PLPP1: variants seen among roughly 807,000 people sequenced by gnomAD.
PLPP1 encodes phospholipid phosphatase 1.
Under a neutral mutation model 31.2 loss-of-function variants are expected in PLPP1, and 24 were observed. The ratio of observed to expected loss-of-function variants is 0.77; its 90% CI spans 0.56 to 1.08. The LOEUF (loss-of-function observed/expected upper bound fraction) is 1.08, where lower values mean the gene tolerates loss of function less well. Among genes scored for constraint, PLPP1 ranks in the 50% least tolerant of loss-of-function variants. The pLI is 0.00. For synonymous variants in PLPP1, 146 were observed against 126.3 expected (o/e 1.16, Z -1.05); for missense variants, 319 against 342.7 (o/e 0.93, Z 0.55).
At chr5:55,483,835 T>C (rs183661026) in intron 1 of PLPP1, among the ~76,000 whole-genome samples, 39 of 152,238 alleles carry the variant, frequency 2.6e-4, no homozygotes, top group Admixed American at 2.1e-3. Flanking sequence ...ACTTGGTCTA[T>C]TAAATGGAGA....
chr5:55,500,280 C>T (rs571880704), intron 1 of PLPP1, among the ~76,000 whole-genome samples: 7 of 151,960 alleles, frequency 4.6e-5, no homozygotes, highest in Non-Finnish European at 8.8e-5. Flanking sequence ...GGGGTTTCAC[C>T]GTGTTAGCCA....
chr5:55,482,179 T>G, intron 1 of PLPP1, among the ~76,000 whole-genome samples: 1 of 148,878 alleles, frequency 6.7e-6, no homozygotes, highest in Non-Finnish European at 1.5e-5. Flanking sequence ...CATATATATA[T>G]AGTATATAGT....
intron 1 of PLPP1, among the ~76,000 whole-genome samples, chr5:55,515,899 C>T (rs1463685627): frequency 1.3e-5 from 2 of 152,148 alleles, no homozygotes; most frequent in Admixed American, 1.3e-4. Flanking sequence ...TCTGACCATT[C>T]CTCTGAGCTC....
At chr5:55,475,092 C>T (rs1752506573) in intron 2 of PLPP1, among the ~76,000 whole-genome samples, 1 of 152,106 alleles carries the variant, frequency 6.6e-6, no homozygotes, top group African/African-American at 2.4e-5. Flanking sequence ...AGGCATGTCA[C>T]CATGCCTGGC....
intron 3 of PLPP1, among the ~76,000 whole-genome samples, chr5:55,459,162 TA>T (rs1752096780): frequency 6.8e-6 from 1 of 147,778 alleles, no homozygotes; most frequent in South Asian, 2.1e-4. Context: ...TCAGGCAAAA[TA>T]GACTTTAAAA....
intron 1 of PLPP1, among the ~76,000 whole-genome samples, chr5:55,477,396 C>CTTTTTTTTTTTTTT (rs3070044): frequency 7.5e-6 from 1 of 133,312 alleles, no homozygotes; most frequent in Non-Finnish European, 1.5e-5. Context: ...TTTTTCTTTT[C>CTTTTTTTTTTTTTT]TTTTTTTTTT....
chr5:55,531,333 A>G (rs995711815), intron 1 of PLPP1, among the ~76,000 whole-genome samples: 3 of 152,232 alleles, frequency 2.0e-5, no homozygotes, highest in Non-Finnish European at 4.4e-5. Flanking sequence ...GATAAAGATG[A>G]CATACGGACA....
At chr5:55,465,748 G>C (rs1401481588) in intron 3 of PLPP1, among the ~76,000 whole-genome samples, 2 of 151,960 alleles carry the variant, frequency 1.3e-5, no homozygotes, top group Non-Finnish European at 2.9e-5. Context: ...TTTTCAATAG[G>C]CTTCCTCTCC....
intron 1 of PLPP1, among the ~76,000 whole-genome samples, chr5:55,511,674 T>G (rs1753415229): frequency 1.6e-5 from 2 of 123,170 alleles, no homozygotes; most frequent in Admixed American, 8.5e-5. Context: ...TTTTTTTTTT[T>G]TTTTTTTGAG....
chr5:55,465,769 C>A (rs2111781523), intron 3 of PLPP1, among the ~76,000 whole-genome samples: 1 of 152,284 alleles, frequency 6.6e-6, no homozygotes, highest in African/African-American at 2.4e-5. Flanking sequence ...TCCACCCAAG[C>A]CATTTGTTCA....
At chr5:55,459,478 AAACAC>A (rs1415553776) in intron 3 of PLPP1, among the ~76,000 whole-genome samples, 1 of 152,234 alleles carries the variant, frequency 6.6e-6, no homozygotes, top group Non-Finnish European at 1.5e-5. Flanking sequence ...TTCACCCAGA[AAACAC>A]ATGCTCTTCA....
chr5:55,442,092 G>A (rs1253664140), intron 3 of PLPP1, among the ~76,000 whole-genome samples, 184 bp from the exon 4 acceptor site: 4 of 152,136 alleles, frequency 2.6e-5, no homozygotes, highest in Non-Finnish European at 4.4e-5. Context: ...AAGGATCTGA[G>A]GTCAGATCTC....
At chr5:55,478,275 C>T (rs970278639) in intron 1 of PLPP1, among the ~76,000 whole-genome samples, 6 of 152,022 alleles carry the variant, frequency 3.9e-5, no homozygotes, top group Non-Finnish European at 7.4e-5. Context: ...AGGATAATAG[C>T]CCATTTTAAA....
intron 2 of PLPP1, among the ~76,000 whole-genome samples, chr5:55,474,665 G>C (rs968351996): frequency 6.6e-6 from 1 of 152,110 alleles, no homozygotes; most frequent in African/African-American, 2.4e-5. Flanking sequence ...AGCGTGCATT[G>C]AAGTTTTAAC....
In PLPP1 at chr5:55,436,961, A is replaced by ATAATAAGAGAT. The variant is rs1395519290; in HGVS notation, c.549+4889_549+4890insATCTCTTATTA. On this transcript the variant is annotated intron_variant, in intron 4 of 5. Transcript: ENST00000307259. ...TTAACCCTCATGAAAGGGATTAATG[A>ATAATAAGAGAT]CCTAATAAGAGATCCAGGGGAGCTC... Among the ~76,000 whole-genome samples, 3 of 152,270 alleles carry ATAATAAGAGAT rather than the reference A, an allele frequency of 2.0e-5. No homozygotes were observed. In the East Asian group the frequency reaches 5.8e-4, roughly 29 times the overall value.
At chr5:55,495,736 TAC>T (rs139449145) in intron 1 of PLPP1, among the ~76,000 whole-genome samples, 7 of 150,878 alleles carry the variant, frequency 4.6e-5, no homozygotes, top group South Asian at 2.1e-4. Context: ...TCATATGTAT[TAC>T]ACACACACAC....
intron 3 of PLPP1, among the ~76,000 whole-genome samples, chr5:55,464,191 T>A (rs1752232495): frequency 1.3e-5 from 2 of 150,118 alleles, no homozygotes; most frequent in South Asian, 4.2e-4. Context: ...CAAGAAAAAA[T>A]AAAAGTATAT....
Position 55,458,887 on chromosome 5 carries a change from C to CAAAAAAAA in PLPP1, c.491+8974_491+8981dup, listed in dbSNP as rs529067608. Among the ~76,000 whole-genome samples, 152 of 21,090 alleles carry CAAAAAAAA rather than the reference C, an allele frequency of 7.2e-3. 14 individuals carry two copies. Among genetic ancestry groups the CAAAAAAAA allele is most frequent in the East Asian group, 9.3e-3 (8 of 862 alleles). The allele number at this position is 21,090 out of a possible 152,430, so 13.8% of individuals were successfully genotyped here. The stretch of plus-strand genomic sequence containing the variant: ...TGGGCAACAGAGGAGACCCTGTCTC[C>CAAAAAAAA]AAAAAAAAAAAAAAAAAAAAAAAAA... On this transcript the variant is annotated intron_variant, in intron 3 of 5. Coordinates refer to ENST00000307259, the MANE Select transcript of PLPP1 (RefSeq NM_003711.4).
At chr5:55,519,954 T>C (rs1753629647) in intron 1 of PLPP1, among the ~76,000 whole-genome samples, 1 of 152,188 alleles carries the variant, frequency 6.6e-6, no homozygotes, top group Admixed American at 6.5e-5. Context: ...AAAGAAGTTA[T>C]GATGAGAAGT....
Sources: allele counts gnomAD v4.1 joint callset (sites outside exome capture counted in the v4.1 genomes callset), GRCh38; gene constraint gnomAD v4.1.1; transcripts MANE v1.5; gene names NCBI Gene and HGNC (gene_info 2026-07-23, HGNC 2026-07-21).